Variants in ZNF555 observed in about 807,000 individuals in gnomAD.
ZNF555 encodes zinc finger protein 555.
A neutral mutation model predicts 14.0 loss-of-function variants in ZNF555; 10 were observed. The observed-to-expected ratio is 0.72, with a 90% CI of 0.44 to 1.21. ZNF555 has a LOEUF of 1.21. Ranked by LOEUF, ZNF555 falls within the 50% of genes most tolerant of loss-of-function variation. ZNF555 has a pLI of 0.00. For synonymous variants in ZNF555, 277 were observed against 262.4 expected (o/e 1.06, Z -0.54); for missense variants, 747 against 762.0 (o/e 0.98, Z 0.23).
At chr19:2,846,050 G>A (rs912214523) in intron 1 of ZNF555, among the ~76,000 whole-genome samples, 1 of 152,184 alleles carries the variant, frequency 6.6e-6, no homozygotes, top group African/African-American at 2.4e-5. Context: ...AGGGCTCCCA[G>A]TGTGACCTCC....
Position 2,853,682 on chromosome 19 carries a change from G to C in ZNF555, c.1617G>C (p.Lys539Asn), listed in dbSNP as rs749809149. 2.5e-5 allele frequency: 39 copies of C among 1,578,706 alleles called. No individual in the cohort carries two copies. Among genetic ancestry groups the C allele is most frequent in the Non-Finnish European group, 3.4e-5 (39 of 1,163,994 alleles). ...CTGTAGAGAAGCCCTATGAATGTAA[G>C]GAATGTGGGAAGGTCTTCAAATGGC... ...THTVEKPYEC[K>N]ECGKVFKWPS... The change falls in exon 4 of 4, where the codon AAG becomes AAC. Residue 539 changes from lysine (K) to asparagine (N), a missense_variant. Physicochemically the swap from Lys to Asn is moderately conservative, Grantham distance 94 (BLOSUM62 0). Coordinates refer to ENST00000334241, the MANE Select transcript of ZNF555 (RefSeq NM_152791.5).
At position 2,853,807 on chromosome 19, in the gene ZNF555, G is replaced by C; in HGVS notation, c.1742G>C (p.Arg581Pro). The C allele has an allele frequency of 6.2e-7, 1 of 1,613,238 alleles. No homozygotes were observed. Among genetic ancestry groups the C allele is most frequent in the South Asian group, 1.1e-5 (1 of 90,890 alleles). ...TTCAATTGTTCCTCATCCTTAAGGC[G>C]ACATGTGAGAATACACACTACAGAA... ...KAFNCSSSLR[R>P]HVRIHTTEKQ... Residue 581 changes from arginine to proline, a missense_variant, in exon 4 of 4, where the codon CGA (arginine) becomes CCA (proline). Transcript: ENST00000334241.
intron 1 of ZNF555, among the ~76,000 whole-genome samples, chr19:2,845,024 A>C (rs1568341716): frequency 6.6e-6 from 1 of 152,170 alleles, no homozygotes; most frequent in Non-Finnish European, 1.5e-5. Context: ...TTACAAGGGA[A>C]TATTGCATGA....
intron 1 of ZNF555, among the ~76,000 whole-genome samples, chr19:2,844,147 G>T (rs2087563240): frequency 6.9e-6 from 1 of 144,156 alleles, no homozygotes; most frequent in Admixed American, 7.2e-5. Context: ...TTTTCGCCCA[G>T]GCTGGAGTGC....
Position 2,853,844 on chromosome 19 carries a change from G to T in ZNF555, c.1779G>T (p.Lys593Asn). ...TACACACTACAGAAAAACAGTATAA[G>T]TGTAATGTAGGACATCCTCCTGCAA... ...VRIHTTEKQYKCNVGHPPANE... is the reference protein window; with the variant it reads ...VRIHTTEKQYNCNVGHPPANE... Residue 593 changes from lysine to asparagine, a missense_variant, in exon 4 of 4, where the codon AAG (lysine) becomes AAT (asparagine). Physicochemically the swap from Lys to Asn is moderately conservative, Grantham distance 94. Coordinates refer to ENST00000334241, the MANE Select transcript of ZNF555 (RefSeq NM_152791.5). The T allele has an allele frequency of 6.2e-7, 1 of 1,613,990 alleles. No homozygotes were observed. The highest frequency in any genetic ancestry group is 8.5e-7 in the Non-Finnish European group (1 of 1,179,972).
chr19:2,843,799 G>A (rs941624625), intron 1 of ZNF555, among the ~76,000 whole-genome samples: 16 of 152,246 alleles, frequency 1.1e-4, no homozygotes, highest in South Asian at 6.2e-4. Flanking sequence ...CTGCAATGCC[G>A]GCCCTGGCAC....
rs1389663254 is a variant in ZNF555 at position 2,860,269 on chromosome 19, A to C, written c.*6317A>C. The C allele has an allele frequency of 6.6e-6, 1 of 151,814 alleles. No homozygotes were observed. Among genetic ancestry groups the C allele is most frequent in the Non-Finnish European group, 1.5e-5 (1 of 67,954 alleles). 9.4% of individuals were successfully genotyped at this position (151,814 alleles called of 1,614,324 possible). ...GTATCTGGGAGGTCCCATGTGTCTC[A>C]GTGGTGGTCCCTGTTTTCAGGAAAG... is the stretch of plus-strand genomic sequence containing the variant. On this transcript the variant is annotated 3_prime_UTR_variant, in exon 4 of 4. Transcript: ENST00000334241.
chr19:2,856,078 C>T lies in ZNF555; in HGVS notation c.*2126C>T, dbSNP rs2087681148. 1 of 151,956 alleles carries T rather than the reference C, an allele frequency of 6.6e-6. No individual in the cohort carries two copies. Among genetic ancestry groups the T allele is most frequent in the Non-Finnish European group, 1.5e-5 (1 of 67,958 alleles). The allele number at this position is 151,956 out of a possible 1,614,324, so 9.4% of individuals were successfully genotyped here. ...ACCGAGAGAATTACAGATTTCAAAT[C>T]AACTTTGTAATTTTGATAATTTAAG... On this transcript the variant is annotated 3_prime_UTR_variant, in exon 4 of 4. Coordinates refer to ENST00000334241, the MANE Select transcript of ZNF555 (RefSeq NM_152791.5).
chr19:2,851,756 C>T, intron 3 of ZNF555, 105 bp downstream of exon 3: 1 of 1,049,104 alleles, frequency 9.5e-7, no homozygotes, highest in Non-Finnish European at 1.3e-6. Flanking sequence ...AGCCTAGCTC[C>T]AATTTGTTTA....
Position 2,852,596 on chromosome 19 carries a change from T to A in ZNF555, c.531T>A (p.Cys177Ter). 1 of 1,614,150 alleles carries A rather than the reference T, an allele frequency of 6.2e-7. No homozygotes were observed. The highest frequency in any genetic ancestry group is 8.5e-7 in the Non-Finnish European group (1 of 1,180,046). ...TGHKPYQCQE[C>*]GQAYSCRSHL... ...ACAAACCATATCAGTGCCAGGAATG[T>A]GGGCAGGCCTACAGTTGTCGTTCAC... is the stretch of plus-strand genomic sequence containing the variant. The change falls in exon 4 of 4, where the codon TGT becomes TGA. Residue 177 changes from cysteine (C) to a stop codon, truncating the protein, a stop_gained. Coordinates refer to ENST00000334241, the MANE Select transcript of ZNF555 (RefSeq NM_152791.5). LOFTEE classifies it low-confidence loss of function (END_TRUNC).
At chr19:2,849,881 C>G (rs143832709) in intron 1 of ZNF555, among the ~76,000 whole-genome samples, 1 of 151,932 alleles carries the variant, frequency 6.6e-6, no homozygotes, top group Non-Finnish European at 1.5e-5. Context: ...CCTGTGTGTA[C>G]GAGAGAGAGC....
intron 1 of ZNF555, among the ~76,000 whole-genome samples, chr19:2,843,916 T>G (rs2087559601): frequency 6.6e-6 from 1 of 152,162 alleles, no homozygotes; most frequent in Admixed American, 6.5e-5. Context: ...TTGCCCAGGC[T>G]AGAATGCAGT....
chr19:2,843,899 C>T (rs1371425063), intron 1 of ZNF555, among the ~76,000 whole-genome samples: 3 of 152,092 alleles, frequency 2.0e-5, no homozygotes, highest in Admixed American at 6.6e-5. Flanking sequence ...GACAGGGTCT[C>T]GCTCTATTGC....
In ZNF555 at chr19:2,855,675, T is replaced by G. The variant is rs1204429918; in HGVS notation, c.*1723T>G. ...AACTGGGTGACATAGGAAAACAAACTTTTTGTTTCTCAGTTCTGGACCCAG... is the reference window on the plus strand; with the variant it reads ...AACTGGGTGACATAGGAAAACAAACGTTTTGTTTCTCAGTTCTGGACCCAG... On this transcript the variant is annotated 3_prime_UTR_variant, in exon 4 of 4. Coordinates refer to ENST00000334241, the MANE Select transcript of ZNF555 (RefSeq NM_152791.5). The G allele has an allele frequency of 6.6e-6, 1 of 152,150 alleles. No individual in the cohort carries two copies. The highest frequency in any genetic ancestry group is 1.5e-5 in the Non-Finnish European group (1 of 68,026). 9.4% of individuals were successfully genotyped at this position (152,150 alleles called of 1,614,324 possible).
intron 1 of ZNF555, among the ~76,000 whole-genome samples, chr19:2,846,485 G>A (rs1242918912): frequency 5.3e-5 from 8 of 152,180 alleles, no homozygotes; most frequent in Admixed American, 1.3e-4. Flanking sequence ...GGCCTTACCC[G>A]GGAGTGTCTA....
At position 2,855,717 on chromosome 19, in the gene ZNF555, C is replaced by T. The variant is rs1469960478; in HGVS notation, c.*1765C>T. On this transcript the variant is annotated 3_prime_UTR_variant, in exon 4 of 4. Coordinates refer to ENST00000334241, the MANE Select transcript of ZNF555 (RefSeq NM_152791.5). ...TGGACCCAGAAATCCAGAAACAAGG[C>T]ATTGGCAGGACCATGCTTTTTCTGA... is the stretch of plus-strand genomic sequence containing the variant. The T allele has an allele frequency of 6.6e-6, 1 of 152,168 alleles. No individual in the cohort carries two copies. The highest frequency in any genetic ancestry group is 1.5e-5 in the Non-Finnish European group (1 of 68,014). 9.4% of individuals were successfully genotyped at this position (152,168 alleles called of 1,614,324 possible).
Position 2,841,490 on chromosome 19 carries a change from G to A in ZNF555, c.-83G>A, listed in dbSNP as rs1445539876. ...GGACGCCTCTGTCCTAGCCGTGAGT[G>A]CCCCGCCTGCCCCTAGCGGTCCCTG... On this transcript the variant is annotated 5_prime_UTR_variant, in exon 1 of 4. Transcript: ENST00000334241. The A allele has an allele frequency of 1.5e-5, 23 of 1,540,816 alleles. No homozygotes were observed. The East Asian group carries it at 3.5e-4, about 24-fold the overall frequency.
chr19:2,843,053 A>C (rs544428985), intron 1 of ZNF555, among the ~76,000 whole-genome samples: 6 of 152,370 alleles, frequency 3.9e-5, no homozygotes, highest in African/African-American at 9.6e-5. Context: ...AAAAAAAAAA[A>C]AAAACTTCCA....
intron 2 of ZNF555, among the ~76,000 whole-genome samples, chr19:2,850,977 T>C (rs1335909513): frequency 1.3e-5 from 2 of 151,244 alleles, no homozygotes; most frequent in African/African-American, 2.4e-5. Flanking sequence ...GAAATTTGTT[T>C]GTGCAAGCCA....
Sources: gnomAD v4.1 joint callset for allele counts (sites outside exome capture counted in the v4.1 genomes callset) on GRCh38, gnomAD v4.1.1 for gene constraint, MANE v1.5 for transcripts, NCBI Gene and HGNC (gene_info 2026-07-23, HGNC 2026-07-21) for gene names.